MACF1: variants seen among roughly 807,000 people sequenced by gnomAD.
MACF1 encodes the protein microtubule actin crosslinking factor 1, also known as microtubule-actin cross-linking factor 1.
Under a neutral mutation model 854.8 loss-of-function variants are expected in MACF1, and 193 were observed. That is an observed-to-expected ratio of 0.23 (90% CI 0.20 to 0.25). The LOEUF (loss-of-function observed/expected upper bound fraction) is 0.25. Ranked by LOEUF, MACF1 falls within the 10% of genes least tolerant of loss-of-function variation. The pLI is 1.00. For synonymous variants in MACF1, 3,185 were observed against 3,226.7 expected, an observed-to-expected ratio of 0.99 and a Z score of 0.44; for missense variants, 7,722 against 8,929.1, an observed-to-expected ratio of 0.86 and a Z score of 5.45.
intron 6 of MACF1, among the ~76,000 whole-genome samples, chr1:39,281,502 C>CTTTTT (rs1228030940): frequency 1.4e-5 from 2 of 145,788 alleles, no homozygotes; most frequent in African/African-American, 2.6e-5. Context: ...TTTTTATTTA[C>CTTTTT]TTTTTTGAGA....
At chr1:39,276,652 C>G (rs182575573) in intron 6 of MACF1, among the ~76,000 whole-genome samples, 36 of 152,228 alleles carry the variant, frequency 2.4e-4, no homozygotes, top group Non-Finnish European at 3.5e-4. Flanking sequence ...AATCCTCCAG[C>G]CCACAGTAAT....
chr1:39,163,340 CA>C lies in MACF1; in HGVS notation c.221-67822del, dbSNP rs11371076. 7.4e-3 allele frequency among the ~76,000 whole-genome samples: 598 copies of C among 80,312 alleles called. 2 individuals carry two copies. Among genetic ancestry groups the C allele is most frequent in the African/African-American group, 0.03 (544 of 18,014 alleles). The allele number at this position is 80,312 out of a possible 152,430, so 52.7% of individuals were successfully genotyped here. ...CCTGGGTGACAGAGCAAGACTGTCTCAAAAAAAAAAAAAAAAAAAAGAAAAG... is the reference window on the plus strand; with the variant it reads ...CCTGGGTGACAGAGCAAGACTGTCTCAAAAAAAAAAAAAAAAAAAGAAAAG... On this transcript the variant is annotated intron_variant, in intron 2 of 93. Coordinates refer to the MACF1 transcript ENST00000361689.
In MACF1 at chr1:39,283,472, C is replaced by A; in HGVS notation, c.872C>A (p.Ala291Asp). 1 of 1,612,602 alleles carries A rather than the reference C, an allele frequency of 6.2e-7. No individual in the cohort carries two copies. Among genetic ancestry groups the A allele is most frequent in the Non-Finnish European group, 8.5e-7 (1 of 1,178,602 alleles). ...ACTTATGTGTCTTCGATTTATGATG[C>A]CTTCCCTAAAGTTCCTGAGGGTGGA... ...VITYVSSIYD[A>D]FPKVPEGGEG... Residue 291 changes from alanine to aspartate, a missense_variant, in exon 9 of 101, where the codon GCC (alanine) becomes GAC (aspartate). By Grantham distance (126) the Ala-to-Asp change is moderately radical. Around this residue, in one of 15 missense-constraint regions of MACF1, gnomAD observed 97 missense variants for 130.4 expected, o/e 0.74. Transcript: ENST00000564288. This position sits in a 1 kb window ranked among gnomAD's most constrained non-coding sequence, Gnocchi z 4.5.
At chr1:39,104,890 T>C (rs997095216) in intron 2 of MACF1, among the ~76,000 whole-genome samples, 1 of 152,190 alleles carries the variant, frequency 6.6e-6, no homozygotes, top group Non-Finnish European at 1.5e-5. Flanking sequence ...GGCATCGTGG[T>C]CTTTTGCCCT....
At chr1:39,314,522 ATATT>A (rs1646369266) in intron 26 of MACF1, among the ~76,000 whole-genome samples, 1 of 151,582 alleles carries the variant, frequency 6.6e-6, no homozygotes, top group Non-Finnish European at 1.5e-5. Context: ...ATAGATCAAT[ATATT>A]TATTGATCTC....
At chr1:39,410,332 G>A (rs375546160) in intron 58 of MACF1, 18 of 1,613,576 alleles carry the variant, frequency 1.1e-5, no homozygotes, top group Non-Finnish European at 1.4e-5. Flanking sequence ...GAAAGGAGAG[G>A]AGGAGGATGG....
At position 39,334,434 on chromosome 1, in the gene MACF1, C is replaced by T. The variant is rs372613128; in HGVS notation, c.7846C>T (p.His2616Tyr). ...AGCAGTATTGTCTCCAGGAATGATGCATGGCATTGTAGATCCCGAGAACTG... is the reference window on the plus strand; with the variant it reads ...AGCAGTATTGTCTCCAGGAATGATGTATGGCATTGTAGATCCCGAGAACTG... Reference protein sequence around the residue: ...NEAVLSPGMMHGIVDPENCRI... With the variant: ...NEAVLSPGMMYGIVDPENCRI... The change falls in exon 37 of 101, where the codon CAT (histidine) becomes TAT (tyrosine). Residue 2616 changes from histidine to tyrosine, a missense_variant. Physicochemically the swap from His to Tyr is moderately conservative, Grantham distance 83. Around this residue, in one of 15 missense-constraint regions of MACF1, gnomAD observed 1,531 missense variants for 1,601.6 expected, o/e 0.96. Coordinates refer to ENST00000564288, the MANE Select transcript of MACF1 (RefSeq NM_001394062.1). 6.2e-7 allele frequency: 1 copy of T among 1,614,046 alleles called. No individual in the cohort carries two copies. The highest frequency in any genetic ancestry group is 1.6e-4 in the Middle Eastern group (1 of 6,062).
chr1:39,458,201 G>A, intron 89 of MACF1, 169 bp from the exon 90 acceptor site: 1 of 586,134 alleles, frequency 1.7e-6, no homozygotes, highest in Non-Finnish European at 3.0e-6. Flanking sequence ...AGATTTGGAG[G>A]GGACAAATAT....
intron 70 of MACF1, 105 bp from the exon 71 acceptor site, chr1:39,437,672 T>C (rs776638674): frequency 1.0e-6 from 1 of 965,830 alleles, no homozygotes; most frequent in South Asian, 1.3e-5. Flanking sequence ...TGAGCACAGG[T>C]TATCCTAAAC....
At chr1:39,366,537 G>A (rs950125126) in intron 49 of MACF1, among the ~76,000 whole-genome samples, 2 of 152,164 alleles carry the variant, frequency 1.3e-5, no homozygotes, top group East Asian at 1.9e-4. Flanking sequence ...TGTGTTTCTT[G>A]TTAGTTGATT....
intron 40 of MACF1, among the ~76,000 whole-genome samples, chr1:39,344,556 T>C (rs1161149316): frequency 6.6e-6 from 1 of 152,176 alleles, no homozygotes; most frequent in Non-Finnish European, 1.5e-5. Flanking sequence ...TTTTATATGT[T>C]GGCATGCTTC....
At chr1:39,184,854 G>C (rs1644146776) in intron 2 of MACF1, among the ~76,000 whole-genome samples, 1 of 152,290 alleles carries the variant, frequency 6.6e-6, no homozygotes, top group Non-Finnish European at 1.5e-5. Context: ...TCTCAAGGAA[G>C]GTCTTAGGAG....
At chr1:39,128,840 C>T (rs1368461361) in intron 2 of MACF1, among the ~76,000 whole-genome samples, 10 of 152,226 alleles carry the variant, frequency 6.6e-5, no homozygotes, top group Non-Finnish European at 1.5e-5. Context: ...CATGATAACT[C>T]ATTCTGCTTC....
At chr1:39,118,690 G>A (rs1163330860) in intron 2 of MACF1, among the ~76,000 whole-genome samples, 2 of 152,150 alleles carry the variant, frequency 1.3e-5, no homozygotes, top group Non-Finnish European at 2.9e-5. Flanking sequence ...TGGTCGTGAA[G>A]GCATAAGACA....
At chr1:39,436,554 C>A in intron 70 of MACF1, 1 of 1,462,368 alleles carries the variant, frequency 6.8e-7, no homozygotes, top group Non-Finnish European at 9.6e-7. Context: ...AGGTCATTAC[C>A]TGTAAGGGAA....
chr1:39,238,243 C>T (rs76641267), intron 2 of MACF1, among the ~76,000 whole-genome samples: 2 of 152,302 alleles, frequency 1.3e-5, no homozygotes, highest in Admixed American at 6.5e-5. Context: ...TAGCAGACTT[C>T]TCATCTGGGG....
intron 26 of MACF1, among the ~76,000 whole-genome samples, chr1:39,313,629 T>C (rs1243682861): frequency 6.6e-6 from 1 of 152,118 alleles, no homozygotes; most frequent in Non-Finnish European, 1.5e-5. Flanking sequence ...TCATGGATTC[T>C]TATTTTATTC....
chr1:39,266,307 C>A (rs1357393135), intron 6 of MACF1, among the ~76,000 whole-genome samples: 3 of 152,180 alleles, frequency 2.0e-5, no homozygotes, highest in Non-Finnish European at 4.4e-5. Flanking sequence ...GAGTGAAGGC[C>A]TGGTACCTGC....
rs375464605 is a variant in MACF1 at position 39,331,642 on chromosome 1, T to G, written c.5054T>G (p.Leu1685Arg). 7 of 1,614,098 alleles carry G rather than the reference T, an allele frequency of 4.3e-6. No homozygotes were observed. The highest frequency in any genetic ancestry group is 1.1e-5 in the South Asian group (1 of 91,092). ...CATCAAGGCCTCATTTCTGCATGGC[T>G]TCATTCAGTATTAGAGTCTTATCTT... ...AFHQGLISAW[L>R]HSVLESYLRT... The change falls in exon 37 of 101, where the codon CTT becomes CGT. Residue 1685 changes from leucine to arginine, a missense_variant. By Grantham distance (102) the Leu-to-Arg change is moderately radical. Coordinates refer to ENST00000564288, the MANE Select transcript of MACF1 (RefSeq NM_001394062.1).
Sources: gnomAD v4.1 joint callset for allele counts (sites outside exome capture counted in the v4.1 genomes callset) on GRCh38, gnomAD v4.1.1 for gene constraint, gnomAD v4.1.1 regional missense constraint, Gnocchi (gnomAD v3.1) non-coding constraint, MANE v1.5 for transcripts, NCBI Gene and HGNC (gene_info 2026-07-23, HGNC 2026-07-21) for gene names.